Variants in CEACAM18 observed in about 807,000 individuals in gnomAD.
CEACAM18 encodes cell adhesion molecule CEACAM18.
Under a neutral mutation model 34.3 loss-of-function variants are expected in CEACAM18, and 33 were observed. The ratio of observed to expected loss-of-function variants is 0.96; its 90% CI spans 0.73 to 1.29. The LOEUF (loss-of-function observed/expected upper bound fraction) is 1.29. CEACAM18 is among the 50% of genes most tolerant of loss of function. CEACAM18 has a pLI of 0.00. For missense variants in CEACAM18, 474 were observed against 485.0 expected (o/e 0.98, Z 0.21); for synonymous variants, 169 against 180.9 (o/e 0.93, Z 0.53).
intron 5 of CEACAM18, among the ~76,000 whole-genome samples, chr19:51,487,423 G>A (rs1990023222): frequency 3.3e-5 from 5 of 152,112 alleles, no homozygotes; most frequent in African/African-American, 7.2e-5. Context: ...TCAGTGAGCC[G>A]AGATCGTGCC....
At chr19:51,480,369 G>T in exon 2 of CEACAM18, 1 of 1,612,018 alleles carries the variant, frequency 6.2e-7, no homozygotes, top group Non-Finnish European at 8.5e-7. Flanking sequence ...CAGGCCTCTG[G>T]CCAAATCTTC....
rs1599944754 is a variant in CEACAM18 at position 51,485,177 on chromosome 19, G to T, written c.1089+55G>T. 7 of 1,440,452 alleles carry T rather than the reference G, an allele frequency of 4.9e-6. No homozygotes were observed. The East Asian group carries it at 1.8e-4, about 36-fold the overall frequency. 89.2% of individuals were successfully genotyped at this position (1,440,452 alleles called of 1,614,324 possible). ...GATGTTGGCTGGGGGCTGGGACTCA[G>T]GAGCCAGCCCTCCCTCCAGAGGGGA... is the stretch of plus-strand genomic sequence containing the variant. On this transcript the variant is annotated intron_variant, in intron 5 of 5. Coordinates refer to ENST00000396477, the Ensembl canonical transcript of CEACAM18.
downstream of CEACAM18, chr19:51,490,962 C>G (rs1372035570): frequency 4.0e-6 from 1 of 249,050 alleles, no homozygotes; most frequent in African/African-American, 2.2e-5. Flanking sequence ...GCGCTTCCAG[C>G]TTCTCAGATT....
At chr19:51,490,494 G>T (rs529916453) in intron 5 of CEACAM18, 93 bp from the exon 6 acceptor site, 200 of 1,093,420 alleles carry the variant, frequency 1.8e-4, no homozygotes, top group Non-Finnish European at 2.3e-4. Flanking sequence ...GGACTTGGTG[G>T]GAAGTCGGGC....
chr19:51,483,489 T>A, intron 4 of CEACAM18, 193 bp downstream of exon 4: 3 of 658,654 alleles, frequency 4.6e-6, no homozygotes, highest in Non-Finnish European at 7.8e-6. Context: ...AGTCCTCAGA[T>A]CAGAGTCAGG....
At chr19:51,478,811 C>A (rs1989856110) in intron 1 of CEACAM18, 117 bp downstream of exon 1, 1 of 690,052 alleles carries the variant, frequency 1.4e-6, no homozygotes, top group East Asian at 3.4e-5. Flanking sequence ...AAGAAACTCC[C>A]AGAGCAGGGG....
At chr19:51,481,003 G>A (rs1204247286) in intron 2 of CEACAM18, among the ~76,000 whole-genome samples, 2 of 152,178 alleles carry the variant, frequency 1.3e-5, no homozygotes, top group African/African-American at 4.8e-5. Context: ...TCGTAGCGTT[G>A]GAGGGAGTAT....
chr19:51,481,418 C>T lies in CEACAM18; in HGVS notation c.426C>T (p.Ser142=), dbSNP rs976702180. 1.7e-5 allele frequency: 27 copies of T among 1,613,788 alleles called. 1 individual carries two copies. The highest frequency in any genetic ancestry group is 2.3e-5 in the Non-Finnish European group (27 of 1,179,866). The change falls in exon 3 of 6, where the codon TCC becomes TCT. Residue 142 remains serine (S), a synonymous_variant. Transcript: ENST00000396477. ...AGTTGGGAAGCAATCTGGGCATCTC[C>T]GTCAATGCCAGCTCCCTGGTGGAGA... is the stretch of plus-strand genomic sequence containing the variant.
At chr19:51,483,331 C>T (rs758201211) in intron 4 of CEACAM18, 35 bp downstream of exon 4, 6 of 1,612,276 alleles carry the variant, frequency 3.7e-6, no homozygotes, top group African/African-American at 2.7e-5. Flanking sequence ...ATGCTTTGCA[C>T]ATCTCCCTGC....
chr19:51,480,282 T>C, intron 1 of CEACAM18, 51 bp from the exon 2 acceptor site: 1 of 1,410,858 alleles, frequency 7.1e-7, no homozygotes, highest in South Asian at 1.3e-5. Context: ...TCTCAGCCAG[T>C]CTGAATCTCT....
chr19:51,480,595 T>C, exon 2 of CEACAM18: 2 of 1,613,914 alleles, frequency 1.2e-6, no homozygotes, highest in Middle Eastern at 1.6e-4. Context: ...TCAGGCCGAC[T>C]GCATTAAATG....
intron 5 of CEACAM18, among the ~76,000 whole-genome samples, chr19:51,490,088 G>T (rs113841515): frequency 6.6e-6 from 1 of 152,118 alleles, no homozygotes; most frequent in African/African-American, 2.4e-5. Context: ...GGGAATATTG[G>T]CCTCTGTTAT....
chr19:51,487,450 G>C (rs942330200), intron 5 of CEACAM18, among the ~76,000 whole-genome samples: 5 of 152,052 alleles, frequency 3.3e-5, no homozygotes, highest in Non-Finnish European at 5.9e-5. Flanking sequence ...CTCCAGCCTG[G>C]GCAACAGACA....
chr19:51,490,613 C>T (rs1990074384), exon 6 of CEACAM18: 2 of 1,232,412 alleles, frequency 1.6e-6, no homozygotes. Flanking sequence ...TGAGTGTCCA[C>T]CCCAGACCTG....
chr19:51,489,142 G>C (rs1990048628), intron 5 of CEACAM18, among the ~76,000 whole-genome samples: 1 of 147,942 alleles, frequency 6.8e-6, no homozygotes, highest in Admixed American at 6.7e-5. Flanking sequence ...GAGTCACTGA[G>C]GTTGACTTAA....
chr19:51,487,860 G>A lies in CEACAM18; in HGVS notation c.1090-2727G>A, dbSNP rs910723922. ...CCAATATGGTAGCCACTAGTCATAC[G>A]TGACTAAGTTTAAAATGAATTAAAA... On this transcript the variant is annotated intron_variant, in intron 5 of 5. Coordinates refer to ENST00000396477, the Ensembl canonical transcript of CEACAM18. 3.3e-5 allele frequency among the ~76,000 whole-genome samples: 5 copies of A among 152,190 alleles called. No homozygotes were observed. The East Asian group carries it at 5.8e-4, about 18-fold the overall frequency.
At chr19:51,486,452 C>A (rs989034472) in intron 5 of CEACAM18, among the ~76,000 whole-genome samples, 3 of 152,018 alleles carry the variant, frequency 2.0e-5, no homozygotes, top group Non-Finnish European at 4.4e-5. Context: ...CCGGAGGAAG[C>A]TGTTTCTTAG....
exon 5 of CEACAM18, chr19:51,484,988 G>T (rs1206598535): frequency 5.9e-6 from 9 of 1,535,986 alleles, no homozygotes; most frequent in Non-Finnish European, 7.8e-6. Context: ...TTCCTTCAGG[G>T]ATCTTACCTG....
At position 51,480,684 on chromosome 19, in the gene CEACAM18, G is replaced by A. The variant is rs1251354566; in HGVS notation, c.400+4G>A. 21 of 1,605,920 alleles carry A rather than the reference G, an allele frequency of 1.3e-5. No homozygotes were observed. Among genetic ancestry groups the A allele is most frequent in the South Asian group, 3.3e-5 (3 of 90,036 alleles). On this transcript the variant is annotated splice_donor_region_variant and intron_variant, in intron 2 of 5. Transcript: ENST00000396477. ...ACCGGCTGGCTGGAGGTTCTAGGTG[G>A]GTTAGCAGGTGCTGTGTTTCCCAAC...
Sources: allele counts gnomAD v4.1 joint callset (sites outside exome capture counted in the v4.1 genomes callset), GRCh38; gene constraint gnomAD v4.1.1; transcripts MANE v1.5; gene names NCBI Gene and HGNC (gene_info 2026-07-23, HGNC 2026-07-21).